Variants in BID observed in about 807,000 individuals in gnomAD.
BID encodes BH3 interacting domain death agonist, also known as BH3-interacting domain death agonist.
Under a neutral mutation model 17.4 loss-of-function variants are expected in BID, and 19 were observed. That is an observed-to-expected ratio of 1.09 (90% confidence interval 0.76 to 1.60). The LOEUF (loss-of-function observed/expected upper bound fraction) is 1.60, where lower values mean the gene tolerates loss of function less well. BID is among the 40% of genes most tolerant of loss of function. BID has a pLI of 0.00. For missense variants in BID, 226 were observed against 256.0 expected (o/e 0.88, Z 0.80); for synonymous variants, 108 against 102.8 (o/e 1.05, Z -0.31).
intron 3 of BID, chr22:17,740,854 CA>C (rs1162774124): frequency 6.6e-6 from 1 of 152,322 alleles, no homozygotes; most frequent in Non-Finnish European, 1.5e-5. Context: ...GTGATCATAC[CA>C]CTACACTCCA....
chr22:17,759,250 A>AAAAAAAAACAAAC (rs1569049672), intron 1 of BID, among the ~76,000 whole-genome samples: 1 of 148,306 alleles, frequency 6.7e-6, no homozygotes, highest in Non-Finnish European at 1.5e-5. Flanking sequence ...ACAAAACAAA[A>AAAAAAAAACAAAC]AAAAAAAAAC....
Position 17,773,672 on chromosome 22 carries a change from C to T in BID, c.-59+709G>A. On this transcript the variant is annotated intron_variant, in intron 1 of 5. Coordinates refer to ENST00000622694, the MANE Select transcript of BID (RefSeq NM_001196.4). The surrounding 1 kb of genome is among the most constrained non-coding windows in gnomAD (Gnocchi z 4.4). ...TCGCTGCCCACCGAGCCATCATGACCCCAGCACCGCTGCACATTCGTATTT... is the reference window on the plus strand; with the variant it reads ...TCGCTGCCCACCGAGCCATCATGACTCCAGCACCGCTGCACATTCGTATTT... 1 of 1,611,106 alleles carries T rather than the reference C, an allele frequency of 6.2e-7. No individual in the cohort carries two copies. The highest frequency in any genetic ancestry group is 8.5e-7 in the Non-Finnish European group (1 of 1,179,944).
Position 17,738,037 on chromosome 22 carries a change from C to A in BID, c.556G>T (p.Val186Leu), listed in dbSNP as rs61752236. Residue 186 changes from valine (V) to leucine (L), a missense_variant, in exon 5 of 6, where the codon GTG (valine) becomes TTG (leucine). Transcript: ENST00000622694. ...NFINQNLRTY[V>L]RSLARNGMD ...CTTACATTTCTGGCTAAGCTCCTCA[C>A]GTAGGTGCGTAGGTTCTGGTTAATA... 25 of 1,614,034 alleles carry A rather than the reference C, an allele frequency of 1.5e-5. No individual in the cohort carries two copies. The highest frequency in any genetic ancestry group is 2.7e-5 in the African/African-American group (2 of 74,924).
rs747648031 is a variant in BID, at chr22:17,773,247, T to G, written c.-59+1134A>C. On this transcript the variant is annotated intron_variant, in intron 1 of 5. Transcript: ENST00000622694. This position sits in a 1 kb window ranked among gnomAD's most constrained non-coding sequence, Gnocchi z 4.4. ...CTGGAGCTCTGTCTACCTCAACTCC[T>G]GATGCCAGAGGATCCCTCTGCGCTC... 3.3e-5 allele frequency among the ~76,000 whole-genome samples: 5 copies of G among 152,058 alleles called. No homozygotes were observed. The highest frequency in any genetic ancestry group is 5.9e-5 in the Non-Finnish European group (4 of 67,982).
At chr22:17,754,132 G>C (rs1321357475) in intron 1 of BID, among the ~76,000 whole-genome samples, 1 of 150,132 alleles carries the variant, frequency 6.7e-6, no homozygotes, top group Non-Finnish European at 1.5e-5. Flanking sequence ...CATTCCCCCA[G>C]TCTCCAGGAC....
chr22:17,750,918 C>A (rs1338090215), intron 1 of BID, among the ~76,000 whole-genome samples: 2 of 152,042 alleles, frequency 1.3e-5, no homozygotes, highest in Non-Finnish European at 2.9e-5. Context: ...GCCCTGTGGG[C>A]CCAGCTACTT....
chr22:17,750,163 C>G lies in BID; in HGVS notation c.-47G>C, dbSNP rs755248452. ...CCGACTCACTCCTGGTTCACAGTGT[C>G]CCAGTGGCGACCTGGAAAGGGACAC... is the stretch of plus-strand genomic sequence containing the variant. On this transcript the variant is annotated 5_prime_UTR_variant, in exon 2 of 6. Transcript: ENST00000622694. 6 of 1,612,918 alleles carry G rather than the reference C, an allele frequency of 3.7e-6. No homozygotes were observed. The highest frequency in any genetic ancestry group is 5.1e-6 in the Non-Finnish European group (6 of 1,179,780).
At position 17,734,653 on chromosome 22, in the gene BID, A is replaced by G. The variant is rs2061407387; in HGVS notation, c.*927T>C. 1 of 152,216 alleles carries G rather than the reference A, an allele frequency of 6.6e-6. No homozygotes were observed. The highest frequency in any genetic ancestry group is 2.4e-5 in the African/African-American group (1 of 41,444). The allele number at this position is 152,216 out of a possible 1,614,324, so 9.4% of individuals were successfully genotyped here. A position where few individuals can be genotyped will look rare whatever the true frequency, so the allele number is the denominator to read the frequency against. ...TGCTCTTTCATCTTTTATGCTTAGA[A>G]ACCTGTTCTCTCCAGATGCACTTCT... On this transcript the variant is annotated 3_prime_UTR_variant, in exon 6 of 6. Coordinates refer to ENST00000622694, the MANE Select transcript of BID (RefSeq NM_001196.4).
chr22:17,773,914 G>T lies in BID; in HGVS notation c.-59+467C>A, dbSNP rs538342211. 2.0e-4 allele frequency: 118 copies of T among 589,546 alleles called. 1 individual carries two copies. Among genetic ancestry groups the T allele is most frequent in the Middle Eastern group, 1.7e-3 (5 of 2,894 alleles). The allele number at this position is 589,546 out of a possible 1,614,324, so 36.5% of individuals were successfully genotyped here. ...GTCAGCCCTGAGCTCCGCTCGGGAG[G>T]AGCCGGCAGGTGTCTGCGGTGCTGG... On this transcript the variant is annotated intron_variant, in intron 1 of 5. Transcript: ENST00000622694. This position sits in a 1 kb window ranked among gnomAD's most constrained non-coding sequence, Gnocchi z 4.4.
rs1243643184 is a variant in BID, at chr22:17,773,921, C to G, written c.-59+460G>C. On this transcript the variant is annotated intron_variant, in intron 1 of 5. Transcript: ENST00000622694. This position sits in a 1 kb window ranked among gnomAD's most constrained non-coding sequence, Gnocchi z 4.4. ...CTGAGCTCCGCTCGGGAGGAGCCGG[C>G]AGGTGTCTGCGGTGCTGGAAAGACC... The G allele has an allele frequency of 6.8e-6, 4 of 585,230 alleles. No homozygotes were observed. Among genetic ancestry groups the G allele is most frequent in the African/African-American group, 5.6e-5 (3 of 53,334 alleles). The allele number at this position is 585,230 out of a possible 1,614,324, so 36.3% of individuals were successfully genotyped here. A position where few individuals can be genotyped will look rare whatever the true frequency, so the allele number is the denominator to read the frequency against.
In BID at chr22:17,735,277, G is replaced by T; in HGVS notation, c.*303C>A. 1 of 345,342 alleles carries T rather than the reference G, an allele frequency of 2.9e-6. No individual in the cohort carries two copies. The highest frequency in any genetic ancestry group is 5.3e-6 in the Non-Finnish European group (1 of 190,384). The allele number at this position is 345,342 out of a possible 1,614,324, so 21.4% of individuals were successfully genotyped here. On this transcript the variant is annotated 3_prime_UTR_variant, in exon 6 of 6. Transcript: ENST00000622694. Reference sequence around the variant, plus strand: ...GCTTTCCAATTTAATTTTTAAGTGGGAACCTGCACAGTGGAAATAAAGGCA... The same window carrying T: ...GCTTTCCAATTTAATTTTTAAGTGGTAACCTGCACAGTGGAAATAAAGGCA...
intron 1 of BID, among the ~76,000 whole-genome samples, chr22:17,763,911 A>ATTTTTT (rs1569052491): frequency 2.4e-4 from 33 of 138,628 alleles, no homozygotes; most frequent in Admixed American, 2.8e-4. Flanking sequence ...ATTTAAAAAA[A>ATTTTTT]AAAAAAATCA....
intron 2 of BID, among the ~76,000 whole-genome samples, chr22:17,748,642 GGCTGCCGTACT>G (rs2061513822): frequency 6.6e-6 from 1 of 152,264 alleles, no homozygotes; most frequent in Admixed American, 6.5e-5. Context: ...GCCCTGGGCG[GGCTGCCGTACT>G]GCTGCCTCCG....
rs1325996908 is a variant in BID, at chr22:17,773,909, G to C, written c.-59+472C>G. On this transcript the variant is annotated intron_variant, in intron 1 of 5. Transcript: ENST00000622694. The surrounding 1 kb of genome is among the most constrained non-coding windows in gnomAD (Gnocchi z 4.4). ...GCTTTGTCAGCCCTGAGCTCCGCTC[G>C]GGAGGAGCCGGCAGGTGTCTGCGGT... 7 of 591,646 alleles carry C rather than the reference G, an allele frequency of 1.2e-5. No homozygotes were observed. Among genetic ancestry groups the C allele is most frequent in the Admixed American group, 9.1e-5 (3 of 32,938 alleles). 36.6% of individuals were successfully genotyped at this position (591,646 alleles called of 1,614,324 possible).
chr22:17,770,882 C>T (rs1012463462), intron 1 of BID, among the ~76,000 whole-genome samples: 2 of 152,248 alleles, frequency 1.3e-5, no homozygotes, highest in Non-Finnish European at 2.9e-5. Context: ...CCAGGCAAAG[C>T]CCAGGCAGGA....
rs188234050 is a variant in BID at position 17,750,684 on chromosome 22, C to G, written c.-58-510G>C. 8.2e-3 allele frequency among the ~76,000 whole-genome samples: 1,243 copies of G among 152,036 alleles called. 9 individuals are homozygous for G. The highest frequency in any genetic ancestry group is 0.012 in the Non-Finnish European group (817 of 67,972). On this transcript the variant is annotated intron_variant, in intron 1 of 5. Coordinates refer to ENST00000622694, the MANE Select transcript of BID (RefSeq NM_001196.4). Reference sequence around the variant, plus strand: ...TCTACTAAAAATACAAAAAATTAGCCGGGCGTGGTGGCGGGCGCCTGTAGT... The same window carrying G: ...TCTACTAAAAATACAAAAAATTAGCGGGGCGTGGTGGCGGGCGCCTGTAGT...
chr22:17,742,500 C>T (rs533929446), intron 3 of BID, among the ~76,000 whole-genome samples: 3 of 138,616 alleles, frequency 2.2e-5, no homozygotes, highest in East Asian at 2.3e-4. Context: ...ACCCCCACCC[C>T]GGTCTAGTGG....
At chr22:17,763,658 T>C (rs541729588) in intron 1 of BID, among the ~76,000 whole-genome samples, 1 of 151,896 alleles carries the variant, frequency 6.6e-6, no homozygotes, top group African/African-American at 2.4e-5. Context: ...ACACACACCA[T>C]AGCCTTCACA....
Position 17,738,321 on chromosome 22 carries a change from C to T in BID, c.364-92G>A, listed in dbSNP as rs534705188. ...CAGTATGAAGAAGCACTTCAAAGTA[C>T]TTATTAAGTATCCAGGGCTGCTGGG... On this transcript the variant is annotated intron_variant, in intron 4 of 5. Coordinates refer to ENST00000622694, the MANE Select transcript of BID (RefSeq NM_001196.4). The T allele has an allele frequency of 1.1e-5, 13 of 1,202,086 alleles. No individual in the cohort carries two copies. The South Asian group carries it at 1.3e-4, about 12-fold the overall frequency. The allele number at this position is 1,202,086 out of a possible 1,614,324, so 74.5% of individuals were successfully genotyped here.
Sources: gnomAD v4.1 joint callset for allele counts (sites outside exome capture counted in the v4.1 genomes callset) on GRCh38, gnomAD v4.1.1 for gene constraint, Gnocchi (gnomAD v3.1) non-coding constraint, MANE v1.5 for transcripts, NCBI Gene and HGNC (gene_info 2026-07-23, HGNC 2026-07-21) for gene names.